Variants in LRRC40 observed in about 807,000 individuals in gnomAD.
LRRC40 encodes the protein leucine-rich repeat-containing protein 40.
In LRRC40, 76 loss-of-function variants were observed where a neutral mutation model predicts 72.8. The observed-to-expected ratio is 1.04, with a 90% CI of 0.87 to 1.26. The LOEUF (loss-of-function observed/expected upper bound fraction) is 1.26, where lower values mean the gene tolerates loss of function less well. LRRC40 is among the 50% of genes most tolerant of loss of function. The probability of loss-of-function intolerance (pLI) is 0.00; values close to 1 mark genes in which losing one functional copy is unlikely to be tolerated. For missense variants in LRRC40, 684 were observed against 698.9 expected (o/e 0.98, Z 0.24); for synonymous variants, 243 against 254.2 (o/e 0.96, Z 0.42).
chr1:70,150,076 G>A (rs543958337), intron 13 of LRRC40, among the ~76,000 whole-genome samples: 83 of 151,974 alleles, frequency 5.5e-4, no homozygotes, highest in South Asian at 1.2e-3. Flanking sequence ...CCACCACCAC[G>A]CCTGGCTAAT....
intron 9 of LRRC40, among the ~76,000 whole-genome samples, chr1:70,168,165 A>G (rs1667928408): frequency 6.6e-6 from 1 of 152,158 alleles, no homozygotes; most frequent in African/African-American, 2.4e-5. Flanking sequence ...GAGGAGTGTC[A>G]GCATTTCTCA....
rs748827375 is a variant in LRRC40, at chr1:70,205,433, C to T, written c.108G>A (p.Arg36=). 6.2e-6 allele frequency: 10 copies of T among 1,604,492 alleles called. No homozygotes were observed. In the East Asian group the frequency reaches 1.1e-4, roughly 18 times the overall value. The change falls in exon 1 of 15, where the codon AGG becomes AGA. Residue 36 remains arginine, a synonymous_variant. Coordinates refer to ENST00000370952, the MANE Select transcript of LRRC40 (RefSeq NM_017768.5). ...CCGACAGGTTTAACTGGCCGCTCTT[C>T]CTCGCTGCCTTCAACAGCCCTTGGG... The part of the protein sequence containing the change: ...SVPQGLLKAA[R]KSGQLNLSGR...
chr1:70,194,416 T>C (rs149666087), intron 1 of LRRC40, among the ~76,000 whole-genome samples: 7 of 152,202 alleles, frequency 4.6e-5, no homozygotes, highest in Admixed American at 1.3e-4. Context: ...ATACAAAACA[T>C]TGCTGTGAAA....
intron 1 of LRRC40, 81 bp from the exon 2 acceptor site, chr1:70,189,354 T>C (rs1414566139): frequency 1.8e-6 from 2 of 1,134,140 alleles, no homozygotes; most frequent in East Asian, 2.4e-5. Flanking sequence ...AGTGACATGC[T>C]TTTATAATAG....
intron 6 of LRRC40, 89 bp from the exon 7 acceptor site, chr1:70,176,071 AG>A: frequency 9.8e-6 from 7 of 716,546 alleles, no homozygotes; most frequent in Non-Finnish European, 1.5e-5. Context: ...CTTAATTTCA[AG>A]TGATTGAAAA....
chr1:70,148,756 T>C (rs1211692427), intron 13 of LRRC40, 84 bp from the exon 14 acceptor site: 1 of 819,670 alleles, frequency 1.2e-6, no homozygotes, highest in Non-Finnish European at 1.8e-6. Flanking sequence ...AAATTTGACA[T>C]GACAGTTTTT....
At chr1:70,177,820 T>C (rs557952248) in intron 6 of LRRC40, among the ~76,000 whole-genome samples, 3 of 152,298 alleles carry the variant, frequency 2.0e-5, no homozygotes, top group Admixed American at 6.5e-5. Flanking sequence ...GGTCCACTTA[T>C]ATGTGGATTT....
chr1:70,198,063 C>T (rs940247420), intron 1 of LRRC40, among the ~76,000 whole-genome samples: 1 of 152,208 alleles, frequency 6.6e-6, no homozygotes, highest in East Asian at 1.9e-4. Context: ...CACCTGACCC[C>T]GTGTCACACT....
chr1:70,176,467 G>A (rs1371302129), intron 6 of LRRC40, among the ~76,000 whole-genome samples: 4 of 149,790 alleles, frequency 2.7e-5, no homozygotes, highest in Non-Finnish European at 5.9e-5. Context: ...AGGAGGCGGA[G>A]GTTGCAGTGA....
rs756223654 is a variant in LRRC40 at position 70,181,248 on chromosome 1, T to TA, written c.538-40dup. Reference sequence around the variant, plus strand: ...AAGACAAAATAAATGAATAAACAAGTAAAAAAATAAATAAATAATGCCCTA... The same window carrying TA: ...AAGACAAAATAAATGAATAAACAAGTAAAAAAAATAAATAAATAATGCCCTA... On this transcript the variant is annotated intron_variant, in intron 4 of 14. Coordinates refer to ENST00000370952, the MANE Select transcript of LRRC40 (RefSeq NM_017768.5). The TA allele has an allele frequency of 9.5e-6, 12 of 1,263,886 alleles. No individual in the cohort carries two copies. The East Asian group carries it at 2.7e-4, about 28-fold the overall frequency. The allele number at this position is 1,263,886 out of a possible 1,614,324, so 78.3% of individuals were successfully genotyped here.
intron 1 of LRRC40, among the ~76,000 whole-genome samples, chr1:70,193,082 TCTAAG>T (rs1320205533): frequency 6.6e-6 from 1 of 151,890 alleles, no homozygotes; most frequent in Non-Finnish European, 1.5e-5. Context: ...CCCACAATGA[TCTAAG>T]CTACAATCTT....
In LRRC40 at chr1:70,184,912, T is replaced by C; in HGVS notation, c.410A>G (p.His137Arg). The change falls in exon 4 of 15, where the codon CAT becomes CGT. Residue 137 changes from histidine (H) to arginine (R), a missense_variant and splice_region_variant. His to Arg is a conservative substitution (Grantham distance 29). Coordinates refer to ENST00000370952, the MANE Select transcript of LRRC40 (RefSeq NM_017768.5). The part of the protein sequence containing the change: ...LENLQKLNVS[H>R]NKLKILPEEI... ...TTCAGGGAGTATTTTCAGTTTATTA[T>C]GGCTATTGGTTGATAAAATAAATGA... 6.3e-7 allele frequency: 1 copy of C among 1,588,468 alleles called. No homozygotes were observed. Among genetic ancestry groups the C allele is most frequent in the South Asian group, 1.1e-5 (1 of 87,616 alleles).
At chr1:70,159,474 T>C (rs769010229) in intron 9 of LRRC40, 36 bp from the exon 10 acceptor site, 1 of 865,432 alleles carries the variant, frequency 1.2e-6, no homozygotes, top group South Asian at 1.6e-5. Flanking sequence ...CCAATATTTA[T>C]ACTACAAAGT....
In LRRC40 at chr1:70,148,507, G is replaced by C. The variant is rs767517875; in HGVS notation, c.1683C>G (p.Leu561=). ...GTTACCTTAAGTTTACACAATTACC[G>C]AGCTCTGGTGGAATTTGTAAGAGGT... is the stretch of plus-strand genomic sequence containing the variant. The part of the protein sequence containing the change: ...NNDLLQIPPE[L]GNCVNLRTLL... Residue 561 remains leucine (L), a synonymous_variant, in exon 14 of 15, where the codon CTC becomes CTG. Coordinates refer to ENST00000370952, the MANE Select transcript of LRRC40 (RefSeq NM_017768.5). 1 of 1,612,022 alleles carries C rather than the reference G, an allele frequency of 6.2e-7. No individual in the cohort carries two copies. Among genetic ancestry groups the C allele is most frequent in the Non-Finnish European group, 8.5e-7 (1 of 1,178,664 alleles).
At chr1:70,192,810 T>C (rs1275096980) in intron 1 of LRRC40, among the ~76,000 whole-genome samples, 2 of 151,896 alleles carry the variant, frequency 1.3e-5, no homozygotes, top group Admixed American at 6.6e-5. Flanking sequence ...GGGGTCCTCT[T>C]GAGGGTGGAA....
chr1:70,157,537 T>C (rs1282628733), intron 10 of LRRC40, among the ~76,000 whole-genome samples: 1 of 152,192 alleles, frequency 6.6e-6, no homozygotes, highest in African/African-American at 2.4e-5. Flanking sequence ...TACTACTTTA[T>C]AGATTGTCTG....
At chr1:70,201,278 C>T (rs1668732487) in intron 1 of LRRC40, among the ~76,000 whole-genome samples, 1 of 152,072 alleles carries the variant, frequency 6.6e-6, no homozygotes, top group Non-Finnish European at 1.5e-5. Flanking sequence ...TTAACATATA[C>T]TAAAAATACA....
intron 1 of LRRC40, among the ~76,000 whole-genome samples, chr1:70,204,162 C>A (rs943034306): frequency 3.9e-5 from 6 of 152,198 alleles, no homozygotes; most frequent in Non-Finnish European, 7.3e-5. Context: ...TAGCACACCA[C>A]TTATGATTTG....
At chr1:70,170,524 T>C (rs1369004634) in intron 9 of LRRC40, among the ~76,000 whole-genome samples, 1 of 152,146 alleles carries the variant, frequency 6.6e-6, no homozygotes, top group Non-Finnish European at 1.5e-5. Context: ...AACTAATAGT[T>C]TCATCAAGGT....
Sources: gnomAD v4.1 joint callset for allele counts (sites outside exome capture counted in the v4.1 genomes callset) on GRCh38, gnomAD v4.1.1 for gene constraint, MANE v1.5 for transcripts, NCBI Gene and HGNC (gene_info 2026-07-23, HGNC 2026-07-21) for gene names.